Variants in DTD1 observed in about 807,000 individuals in gnomAD.
The protein encoded by DTD1 is D-tyrosyl-tRNA deacylase 1 homolog.
Under a neutral mutation model 25.6 loss-of-function variants are expected in DTD1, and 13 were observed. The observed-to-expected ratio is 0.51, with a 90% CI of 0.33 to 0.81. The LOEUF (loss-of-function observed/expected upper bound fraction) is 0.81, where lower values mean the gene tolerates loss of function less well. Ranked by LOEUF, DTD1 falls within the 30% of genes least tolerant of loss-of-function variation. The probability of loss-of-function intolerance (pLI) is 0.02; values close to 1 mark genes in which losing one functional copy is unlikely to be tolerated. For synonymous variants in DTD1, 110 were observed against 103.6 expected, an observed-to-expected ratio of 1.06 and a Z score of -0.37; for missense variants, 193 against 266.4, an observed-to-expected ratio of 0.72 and a Z score of 1.92.
At chr20:18,722,758 A>G (rs952512625) in intron 4 of DTD1, among the ~76,000 whole-genome samples, 4 of 152,178 alleles carry the variant, frequency 2.6e-5, no homozygotes, top group Admixed American at 2.0e-4. Context: ...GTTTTAAGGA[A>G]TGGGCTGTCT....
intron 4 of DTD1, among the ~76,000 whole-genome samples, chr20:18,649,883 A>G (rs959673438): frequency 6.6e-6 from 1 of 152,226 alleles, no homozygotes; most frequent in Non-Finnish European, 1.5e-5. Context: ...CATGCGCCAC[A>G]GTCCTGTTGG....
At chr20:18,702,740 G>T in intron 4 of DTD1, among the ~76,000 whole-genome samples, 1 of 67,230 alleles carries the variant, frequency 1.5e-5, no homozygotes, top group Non-Finnish European at 3.4e-5. Flanking sequence ...CATCTGGAAT[G>T]AGGCAAAAAA....
chr20:18,689,899 G>A (rs73601842), intron 4 of DTD1, among the ~76,000 whole-genome samples: 928 of 73,234 alleles, frequency 0.013, 41 homozygotes, highest in African/African-American at 0.014. Context: ...CTACTTGGGA[G>A]GCTGGGGCAG....
intron 5 of DTD1, among the ~76,000 whole-genome samples, chr20:18,760,022 C>T (rs1337097822): frequency 6.6e-6 from 1 of 152,168 alleles, no homozygotes; most frequent in Non-Finnish European, 1.5e-5. Context: ...TCCAGTTGAT[C>T]GAATTGGCTA....
chr20:18,690,289 A>G (rs1002870724), intron 4 of DTD1, among the ~76,000 whole-genome samples: 2 of 152,046 alleles, frequency 1.3e-5, no homozygotes, highest in Admixed American at 6.6e-5. Context: ...CTCCCATTCT[A>G]TAGGTTATCT....
At chr20:18,597,154 A>AGTGTGTGTGTGTGT (rs4052788) in intron 3 of DTD1, among the ~76,000 whole-genome samples, 11 of 143,566 alleles carry the variant, frequency 7.7e-5, no homozygotes, top group African/African-American at 2.9e-4. Flanking sequence ...GATGAGAGAA[A>AGTGTGTGTGTGTGT]GTGTGTGTGT....
intron 5 of DTD1, among the ~76,000 whole-genome samples, chr20:18,759,175 C>T (rs1200881978): frequency 1.3e-5 from 2 of 152,104 alleles, no homozygotes; most frequent in Non-Finnish European, 2.9e-5. Context: ...ACTGATGGGT[C>T]TTGACTCTTT....
At chr20:18,616,641 GAAA>G (rs1180202539) in intron 3 of DTD1, among the ~76,000 whole-genome samples, 1 of 151,170 alleles carries the variant, frequency 6.6e-6, no homozygotes, top group African/African-American at 2.4e-5. Flanking sequence ...AAGAAAAAAA[GAAA>G]AAAAAAGAAA....
intron 5 of DTD1, among the ~76,000 whole-genome samples, chr20:18,762,725 G>T (rs1405442951): frequency 6.6e-6 from 1 of 152,024 alleles, no homozygotes; most frequent in Admixed American, 6.5e-5. Flanking sequence ...TTGATAATTT[G>T]TGTCTTCTCT....
In DTD1 at chr20:18,748,550, C is replaced by G. The variant is rs537171271; in HGVS notation, c.*19+4279C>G. Among the ~76,000 whole-genome samples, 53 of 152,062 alleles carry G rather than the reference C, an allele frequency of 3.5e-4. 2 individuals carry two copies. In the Middle Eastern group the frequency reaches 0.014, roughly 39 times the overall value. Reference sequence around the variant, plus strand: ...GGAGTAATTCTGCTAATTCTGTGGGCAAGAAAAACACCCGAGGGTCTCATG... The same window carrying G: ...GGAGTAATTCTGCTAATTCTGTGGGGAAGAAAAACACCCGAGGGTCTCATG... On this transcript the variant is annotated intron_variant, in intron 5 of 5. Transcript: ENST00000377452.
intron 4 of DTD1, among the ~76,000 whole-genome samples, chr20:18,704,202 A>G (rs6081314): frequency 0.36 from 54,858 of 151,808 alleles, 10,229 homozygotes; most frequent in Non-Finnish European, 0.41. Flanking sequence ...GGGTTTCACC[A>G]TGTTAGCCAG....
Position 18,649,326 on chromosome 20 carries a change from C to CTTTTTTTTTTTT in DTD1, c.477+21112_477+21123dup. On this transcript the variant is annotated intron_variant, in intron 4 of 5. Coordinates refer to ENST00000377452, the MANE Select transcript of DTD1 (RefSeq NM_080820.6). The stretch of plus-strand genomic sequence containing the variant: ...TGGGCTTTCTCAGCCATTCATCTTT[C>CTTTTTTTTTTTT]TTTTTTTTTTTTTTTTTTTTTTTTT... Among the ~76,000 whole-genome samples the CTTTTTTTTTTTT allele has an allele frequency of 8.1e-3, 466 of 57,652 alleles. 130 individuals carry two copies. Among genetic ancestry groups the CTTTTTTTTTTTT allele is most frequent in the South Asian group, 0.011 (16 of 1,434 alleles). The allele number at this position is 57,652 out of a possible 152,430, so 37.8% of individuals were successfully genotyped here.
At chr20:18,695,496 T>TTTCCCTTCCC (rs1236295942) in intron 4 of DTD1, among the ~76,000 whole-genome samples, 8 of 50,088 alleles carry the variant, frequency 1.6e-4, no homozygotes, top group Non-Finnish European at 2.8e-4. Flanking sequence ...CTTCCTTTCC[T>TTTCCCTTCCC]TTCCCTTCCC....
intron 4 of DTD1, among the ~76,000 whole-genome samples, chr20:18,636,411 G>A (rs2060807555): frequency 1.3e-5 from 2 of 152,192 alleles, no homozygotes; most frequent in East Asian, 1.9e-4. Context: ...AAACCTTGCC[G>A]AAACATTTGC....
At chr20:18,633,516 A>T (rs1251903753) in intron 4 of DTD1, among the ~76,000 whole-genome samples, 1 of 152,136 alleles carries the variant, frequency 6.6e-6, no homozygotes, top group South Asian at 2.1e-4. Flanking sequence ...TGCCCTGTCC[A>T]GGGAGGTGTG....
Position 18,706,042 on chromosome 20 carries a change from G to C in DTD1, c.478-38058G>C, listed in dbSNP as rs187788022. Among the ~76,000 whole-genome samples the C allele has an allele frequency of 1.8e-3, 271 of 152,294 alleles. 1 individual carries two copies. The highest frequency in any genetic ancestry group is 6.0e-3 in the African/African-American group (250 of 41,562). ...TCAGTTTTCTTTTCACTCAGATTTG[G>C]ATAAAGAGGATAAATGATAAGTAAA... On this transcript the variant is annotated intron_variant, in intron 4 of 5. Transcript: ENST00000377452.
At chr20:18,705,784 T>C (rs753747266) in intron 4 of DTD1, among the ~76,000 whole-genome samples, 7 of 152,174 alleles carry the variant, frequency 4.6e-5, no homozygotes, top group Non-Finnish European at 1.0e-4. Context: ...GGAAACATTG[T>C]TGGAATCTTG....
At chr20:18,734,432 T>G (rs1432088436) in intron 4 of DTD1, among the ~76,000 whole-genome samples, 2 of 152,242 alleles carry the variant, frequency 1.3e-5, no homozygotes, top group African/African-American at 4.8e-5. Context: ...TCCATCATTC[T>G]CATGATAATC....
intron 3 of DTD1, among the ~76,000 whole-genome samples, chr20:18,607,961 G>T (rs1222440117): frequency 6.6e-6 from 1 of 152,040 alleles, no homozygotes; most frequent in Non-Finnish European, 1.5e-5. Flanking sequence ...TGATGCACCT[G>T]CCTCAGCCTC....
Sources: gnomAD v4.1 joint callset for allele counts (sites outside exome capture counted in the v4.1 genomes callset) on GRCh38, gnomAD v4.1.1 for gene constraint, MANE v1.5 for transcripts, NCBI Gene and HGNC (gene_info 2026-07-23, HGNC 2026-07-21) for gene names.